Variants in FAM184A observed in about 807,000 individuals in gnomAD.
The protein encoded by FAM184A is protein FAM184A.
A neutral mutation model predicts 143.8 loss-of-function variants in FAM184A; 99 were observed. The observed-to-expected ratio is 0.69, with a 90% CI of 0.58 to 0.81. The LOEUF is 0.81. Ranked by LOEUF, FAM184A falls within the 40% of genes least tolerant of loss-of-function variation. The pLI is 0.00. For missense variants in FAM184A, 1,217 were observed against 1,310.5 expected (o/e 0.93, Z 1.10); for synonymous variants, 427 against 446.4 (o/e 0.96, Z 0.55).
chr6:119,030,430 A>C (rs1785825027), intron 1 of FAM184A, among the ~76,000 whole-genome samples: 1 of 152,032 alleles, frequency 6.6e-6, no homozygotes, highest in South Asian at 2.1e-4. Context: ...GATCAAGGTA[A>C]TATAAAAATT....
chr6:119,030,739 T>C (rs1197859625), intron 1 of FAM184A, among the ~76,000 whole-genome samples: 1 of 151,884 alleles, frequency 6.6e-6, no homozygotes, highest in African/African-American at 2.4e-5. Flanking sequence ...ATGATCATAA[T>C]CACCCATAAA....
At chr6:118,977,784 G>A (rs937389592) in intron 11 of FAM184A, among the ~76,000 whole-genome samples, 11 of 152,064 alleles carry the variant, frequency 7.2e-5, no homozygotes, top group African/African-American at 2.2e-4. Context: ...CAGAATCTTC[G>A]TCATTGTACT....
chr6:118,984,415 C>T (rs966937231), intron 9 of FAM184A, among the ~76,000 whole-genome samples: 9 of 151,444 alleles, frequency 5.9e-5, no homozygotes, highest in African/African-American at 1.9e-4. Flanking sequence ...TGGGCTCAAG[C>T]GATCCTCCTG....
intron 9 of FAM184A, among the ~76,000 whole-genome samples, chr6:119,001,827 C>T (rs4946386): frequency 0.32 from 48,023 of 151,918 alleles, 8,615 homozygotes; most frequent in East Asian, 0.68. Flanking sequence ...ATCAGTAGCA[C>T]CCTACCCAGT....
At chr6:118,993,092 A>G (rs981573209) in intron 9 of FAM184A, among the ~76,000 whole-genome samples, 1 of 152,226 alleles carries the variant, frequency 6.6e-6, no homozygotes, top group Non-Finnish European at 1.5e-5. Context: ...GAAGCATTCT[A>G]TATGAGTAAG....
chr6:119,110,096 A>G (rs954974025), intron 1 of FAM184A, among the ~76,000 whole-genome samples: 4 of 152,184 alleles, frequency 2.6e-5, no homozygotes, highest in Non-Finnish European at 4.4e-5. Flanking sequence ...TTTTTCTCGC[A>G]TAACAGGAAG....
At chr6:119,109,291 G>A (rs1257160087) in intron 1 of FAM184A, among the ~76,000 whole-genome samples, 1 of 152,168 alleles carries the variant, frequency 6.6e-6, no homozygotes, top group Non-Finnish European at 1.5e-5. Flanking sequence ...CTTTACAAAT[G>A]TAGAAACCTG....
chr6:119,120,195 C>G (rs917808932), intron 1 of FAM184A, among the ~76,000 whole-genome samples: 2 of 152,218 alleles, frequency 1.3e-5, no homozygotes, highest in African/African-American at 4.8e-5. Context: ...TTCCCAGCCC[C>G]TGGCAACCAC....
At chr6:118,992,771 C>A (rs1784418562) in intron 9 of FAM184A, among the ~76,000 whole-genome samples, 1 of 152,008 alleles carries the variant, frequency 6.6e-6, no homozygotes, top group Admixed American at 6.6e-5. Flanking sequence ...TACAAAAAAA[C>A]AAAAACAAAA....
At chr6:119,028,206 C>CAACT (rs1426087434) in intron 1 of FAM184A, among the ~76,000 whole-genome samples, 1 of 152,204 alleles carries the variant, frequency 6.6e-6, no homozygotes, top group African/African-American at 2.4e-5. Context: ...CTGCAATAGG[C>CAACT]AACTTTCTGT....
chr6:119,058,171 CTCTCT>C (rs1482519420), intron 1 of FAM184A, among the ~76,000 whole-genome samples: 1,980 of 140,526 alleles, frequency 0.014, 57 homozygotes, highest in African/African-American at 0.051. Context: ...AATTCTCCTT[CTCTCT>C]TTTTTTTTTT....
chr6:118,964,666 C>T lies in FAM184A; in HGVS notation c.3138+1G>A, dbSNP rs1278003052. 1.3e-6 allele frequency: 2 copies of T among 1,557,186 alleles called. No individual in the cohort carries two copies. The highest frequency in any genetic ancestry group is 1.8e-6 in the Non-Finnish European group (2 of 1,131,826). ...TATTCTACAGTGTTTACGGCACATA[C>T]CTTAGCCAATGGATTAATAACACCA... On this transcript the variant is annotated splice_donor_variant, in intron 16 of 17. Transcript: ENST00000338891. LOFTEE classifies it high-confidence loss of function.
chr6:119,093,754 C>T (rs1022443716), intron 1 of FAM184A, among the ~76,000 whole-genome samples: 4 of 152,174 alleles, frequency 2.6e-5, no homozygotes, highest in African/African-American at 9.7e-5. Context: ...TGTAACCTCC[C>T]TGATTCAAGA....
At chr6:119,096,828 G>A (rs1788522963) in intron 1 of FAM184A, among the ~76,000 whole-genome samples, 1 of 152,000 alleles carries the variant, frequency 6.6e-6, no homozygotes, top group Non-Finnish European at 1.5e-5. Flanking sequence ...CACTCCTCCC[G>A]ACTTGCTTCT....
intron 1 of FAM184A, among the ~76,000 whole-genome samples, chr6:119,094,054 TCTTTC>T (rs1429678816): frequency 1.8e-4 from 25 of 140,982 alleles, no homozygotes; most frequent in African/African-American, 6.2e-4. Flanking sequence ...CTTCCTTCCT[TCTTTC>T]CTTTCTTTTT....
Position 119,021,679 on chromosome 6 carries a change from C to A in FAM184A, c.1150+1266G>T, listed in dbSNP as rs144461363. 5.1e-4 allele frequency among the ~76,000 whole-genome samples: 77 copies of A among 152,170 alleles called. 1 individual carries two copies. The East Asian group carries it at 0.015, about 29-fold the overall frequency. Reference sequence around the variant, plus strand: ...TGAGCAACAGAACAAGATCCCATCTCTAAAAACTAAATAAATGCTGGCATG... The same window carrying A: ...TGAGCAACAGAACAAGATCCCATCTATAAAAACTAAATAAATGCTGGCATG... On this transcript the variant is annotated intron_variant, in intron 3 of 17. Coordinates refer to ENST00000338891, the MANE Select transcript of FAM184A (RefSeq NM_024581.6).
At chr6:118,981,712 G>T (rs1784031250) in intron 9 of FAM184A, among the ~76,000 whole-genome samples, 1 of 152,184 alleles carries the variant, frequency 6.6e-6, no homozygotes, top group Admixed American at 6.5e-5. Context: ...TTAGGGTGAT[G>T]ATTAGCCTTC....
chr6:119,051,883 TA>T (rs1474666615), intron 1 of FAM184A, among the ~76,000 whole-genome samples: 4 of 152,140 alleles, frequency 2.6e-5, no homozygotes, highest in African/African-American at 4.8e-5. Flanking sequence ...CAACAGAAAA[TA>T]AGCACTGTAG....
In FAM184A at chr6:119,078,362, C is replaced by G; in HGVS notation, c.-63G>C. 5.9e-6 allele frequency: 8 copies of G among 1,359,790 alleles called. No homozygotes were observed. In the South Asian group the frequency reaches 1.2e-4, roughly 20 times the overall value. The allele number at this position is 1,359,790 out of a possible 1,614,324, so 84.2% of individuals were successfully genotyped here. A position where few individuals can be genotyped will look rare whatever the true frequency, so the allele number is the denominator to read the frequency against. ...GGGTGGAGGCAGGCCCGTGGAGCAA[C>G]GACGCCCGGGAGGCAAGAGTCGCGG... On this transcript the variant is annotated 5_prime_UTR_variant, in exon 1 of 18. Coordinates refer to ENST00000338891, the MANE Select transcript of FAM184A (RefSeq NM_024581.6). This position sits in a 1 kb window ranked among gnomAD's most constrained non-coding sequence, Gnocchi z 5.5.
Sources: gnomAD v4.1 joint callset for allele counts (sites outside exome capture counted in the v4.1 genomes callset) on GRCh38, gnomAD v4.1.1 for gene constraint, Gnocchi (gnomAD v3.1) non-coding constraint, MANE v1.5 for transcripts, NCBI Gene and HGNC (gene_info 2026-07-23, HGNC 2026-07-21) for gene names.